The following SLC23A2 variants were observed in gnomAD, a reference collection of about 807,000 sequenced individuals.
The protein encoded by SLC23A2 is solute carrier family 23 member 2, also known as Na(+)/L-ascorbic acid transporter 2.
SLC23A2 carries 36 observed loss-of-function variants against 73.3 expected under a neutral mutation model. That is an observed-to-expected ratio of 0.49 (90% confidence interval 0.38 to 0.65). The LOEUF is 0.65. SLC23A2 is among the 30% of genes least tolerant of loss of function. The probability of loss-of-function intolerance (pLI) is 0.00; values close to 1 mark genes in which losing one functional copy is unlikely to be tolerated. For missense variants in SLC23A2, 507 were observed against 841.6 expected (o/e 0.60, Z 4.92); for synonymous variants, 343 against 327.3 (o/e 1.05, Z -0.52).
intron 1 of SLC23A2, among the ~76,000 whole-genome samples, chr20:4,973,702 T>G (rs1212233827): frequency 6.6e-6 from 1 of 152,086 alleles, no homozygotes; most frequent in African/African-American, 2.4e-5. Flanking sequence ...TCTGGAAACA[T>G]GAAAACTGTC....
intron 3 of SLC23A2, among the ~76,000 whole-genome samples, chr20:4,929,081 T>C (rs1434533908): frequency 6.6e-6 from 1 of 151,836 alleles, no homozygotes; most frequent in African/African-American, 2.4e-5. Flanking sequence ...AGAAATGCCA[T>C]CTCTAAATTT....
chr20:4,929,482 G>A (rs993614455), intron 3 of SLC23A2, among the ~76,000 whole-genome samples: 4 of 152,114 alleles, frequency 2.6e-5, no homozygotes, highest in African/African-American at 9.7e-5. Flanking sequence ...CCACCCTAGG[G>A]TCTGCCTCTG....
At chr20:4,914,510 T>A (rs1932260204) in intron 3 of SLC23A2, among the ~76,000 whole-genome samples, 1 of 152,160 alleles carries the variant, frequency 6.6e-6, no homozygotes. Context: ...CTTGGTGGAA[T>A]GGCCTTCATG....
chr20:4,874,179 C>T (rs932434276), intron 10 of SLC23A2, 87 bp from the exon 11 acceptor site: 1 of 1,269,996 alleles, frequency 7.9e-7, no homozygotes, highest in Non-Finnish European at 1.1e-6. Context: ...CGGAATATCA[C>T]ACCCCAGAGC....
intron 1 of SLC23A2, 102 bp downstream of exon 1, chr20:5,001,304 G>A (rs1453472452): frequency 2.7e-5 from 4 of 146,672 alleles, no homozygotes; most frequent in Non-Finnish European, 1.5e-5. Flanking sequence ...AGCGCGCGGG[G>A]GCCGTGCCAG....
At chr20:5,006,047 T>C (rs757196183), upstream of SLC23A2, among the ~76,000 whole-genome samples, 3 of 152,170 alleles carry the variant, frequency 2.0e-5, no homozygotes, top group Non-Finnish European at 4.4e-5. Context: ...AGATTTCTTA[T>C]TGATGAAATT....
intron 2 of SLC23A2, among the ~76,000 whole-genome samples, chr20:4,949,218 G>A (rs952205194): frequency 1.3e-5 from 2 of 150,888 alleles, no homozygotes; most frequent in Non-Finnish European, 2.9e-5. Flanking sequence ...AACCTGGGAG[G>A]CGGAGATTGC....
At chr20:4,987,969 C>A (rs2122306759) in intron 1 of SLC23A2, among the ~76,000 whole-genome samples, 1 of 151,190 alleles carries the variant, frequency 6.6e-6, no homozygotes, top group Non-Finnish European at 1.5e-5. Flanking sequence ...ACAGTTAAAC[C>A]TATTCTGCAA....
At chr20:4,867,653 A>T in intron 13 of SLC23A2, 117 bp downstream of exon 13, 16 of 427,434 alleles carry the variant, frequency 3.7e-5, no homozygotes, top group East Asian at 8.8e-5. Context: ...AAAAAAGGAG[A>T]GAAGTAATTT....
In SLC23A2 at chr20:4,885,878, A is replaced by G. The variant is rs1480912633; in HGVS notation, c.514T>C (p.Phe172Leu). The change falls in exon 7 of 17, where the codon TTT becomes CTT. Residue 172 changes from phenylalanine to leucine, a missense_variant. By Grantham distance (22) the Phe-to-Leu change is conservative. Around this residue, in one of 5 missense-constraint regions of SLC23A2, gnomAD observed 217 missense variants for 398.0 expected, o/e 0.55. Transcript: ENST00000338244. ...AGGATGGCTCGAGCAGGGGCCAAAA[A>G]TGCAAAAGCACTGGCCTGAAACAGG... ...LPLFQASAFA[F>L]LAPARAILSL... 1 of 1,613,846 alleles carries G rather than the reference A, an allele frequency of 6.2e-7. No homozygotes were observed.
At chr20:4,861,783 G>A (rs1023129157) in intron 15 of SLC23A2, among the ~76,000 whole-genome samples, 165 bp downstream of exon 15, 7 of 152,130 alleles carry the variant, frequency 4.6e-5, no homozygotes, top group African/African-American at 1.4e-4. Flanking sequence ...AGCCCACAGC[G>A]CTTCCAGGTA....
rs1413463465 is a variant in SLC23A2 at position 4,853,517 on chromosome 20, A to G, written c.*3455T>C. The G allele has an allele frequency of 1.3e-5, 2 of 152,694 alleles. No homozygotes were observed. The highest frequency in any genetic ancestry group is 2.9e-5 in the Non-Finnish European group (2 of 68,048). The allele number at this position is 152,694 out of a possible 1,614,324, so 9.5% of individuals were successfully genotyped here. On this transcript the variant is annotated 3_prime_UTR_variant, in exon 17 of 17. Transcript: ENST00000338244. ...TAAATAAAGTATACACACATACTAG[A>G]GATTCATCAATGGAGAAATTCTATC...
chr20:4,989,933 A>AG (rs1429695623), intron 1 of SLC23A2, among the ~76,000 whole-genome samples: 1 of 152,166 alleles, frequency 6.6e-6, no homozygotes, highest in African/African-American at 2.4e-5. Flanking sequence ...CGGACACACC[A>AG]AAGGACTCCA....
chr20:4,883,895 C>T lies in SLC23A2; in HGVS notation c.643-72G>A. The stretch of plus-strand genomic sequence containing the variant: ...TGCACACTCAGAATGTCACCTACAA[C>T]CACAACTGATAATTCTGCAAGGCAA... On this transcript the variant is annotated intron_variant, in intron 8 of 16. Coordinates refer to ENST00000338244, the MANE Select transcript of SLC23A2 (RefSeq NM_005116.6). The surrounding 1 kb of genome is among the most constrained non-coding windows in gnomAD (Gnocchi z 4.5). 1 of 1,040,572 alleles carries T rather than the reference C, an allele frequency of 9.6e-7. No homozygotes were observed. Among genetic ancestry groups the T allele is most frequent in the Non-Finnish European group, 1.4e-6 (1 of 723,346 alleles). The allele number at this position is 1,040,572 out of a possible 1,614,324, so 64.5% of individuals were successfully genotyped here.
chr20:4,983,390 T>G (rs1045045782), intron 1 of SLC23A2, among the ~76,000 whole-genome samples: 3 of 152,152 alleles, frequency 2.0e-5, no homozygotes, highest in East Asian at 1.9e-4. Flanking sequence ...CTCACGCCTG[T>G]AATCCCAGCA....
intron 6 of SLC23A2, among the ~76,000 whole-genome samples, chr20:4,888,916 G>A (rs1049228720): frequency 6.6e-6 from 1 of 152,218 alleles, no homozygotes; most frequent in Admixed American, 6.5e-5. Context: ...AGATTCAGGG[G>A]TGGGTGGCAC....
In SLC23A2 at chr20:4,862,539, A is replaced by T. The variant is rs1415168704; in HGVS notation, c.1486+239T>A. On this transcript the variant is annotated intron_variant, in intron 14 of 16. Transcript: ENST00000338244. The surrounding 1 kb of genome is among the most constrained non-coding windows in gnomAD (Gnocchi z 5.1). The stretch of plus-strand genomic sequence containing the variant: ...TTGAGTTAAATTGGTCAGAAATACT[A>T]AAGAGATTAAATTTAATTGAAATGT... Among the ~76,000 whole-genome samples, 1 of 152,230 alleles carries T rather than the reference A, an allele frequency of 6.6e-6. No homozygotes were observed. The highest frequency in any genetic ancestry group is 1.5e-5 in the Non-Finnish European group (1 of 68,040).
rs928569962 is a variant in SLC23A2, at chr20:5,001,442, C to T, written c.-318G>A. 3 of 148,290 alleles carry T rather than the reference C, an allele frequency of 2.0e-5. No homozygotes were observed. Among genetic ancestry groups the T allele is most frequent in the African/African-American group, 7.3e-5 (3 of 40,960 alleles). The allele number at this position is 148,290 out of a possible 1,614,324, so 9.2% of individuals were successfully genotyped here. On this transcript the variant is annotated 5_prime_UTR_variant, in exon 1 of 17. Coordinates refer to ENST00000338244, the MANE Select transcript of SLC23A2 (RefSeq NM_005116.6). ...TCGCGTGGTTCCCGTCCTGCCGCCG[C>T]GCCTCGGCGCCGCAGTGCCCGCTGC...
At chr20:4,893,619 C>A (rs1279505618) in intron 6 of SLC23A2, among the ~76,000 whole-genome samples, 1 of 152,184 alleles carries the variant, frequency 6.6e-6, no homozygotes, top group East Asian at 1.9e-4. Context: ...AGGAACCTGA[C>A]AGGATAGAAG....
Sources: gnomAD v4.1 joint callset for allele counts (sites outside exome capture counted in the v4.1 genomes callset) on GRCh38, gnomAD v4.1.1 for gene constraint, gnomAD v4.1.1 regional missense constraint, Gnocchi (gnomAD v3.1) non-coding constraint, MANE v1.5 for transcripts, NCBI Gene and HGNC (gene_info 2026-07-23, HGNC 2026-07-21) for gene names.